TIMD4: variants seen among roughly 807,000 people sequenced by gnomAD.
The protein encoded by TIMD4 is T-cell immunoglobulin and mucin domain-containing protein 4.
Under a neutral mutation model 41.2 loss-of-function variants are expected in TIMD4, and 31 were observed. The observed-to-expected ratio is 0.75, with a 90% CI of 0.57 to 1.01. TIMD4 has a LOEUF of 1.01. Among genes scored for constraint, TIMD4 ranks in the 50% least tolerant of loss-of-function variants. The pLI is 0.00. For synonymous variants in TIMD4, 204 were observed against 177.1 expected (o/e 1.15, Z -1.21); for missense variants, 479 against 472.5 (o/e 1.01, Z -0.13).
intron 5 of TIMD4, among the ~76,000 whole-genome samples, chr5:156,945,863 G>A (rs1048619631): frequency 1.3e-5 from 2 of 152,178 alleles, no homozygotes; most frequent in Non-Finnish European, 2.9e-5. Flanking sequence ...AAAAATATGA[G>A]CATCTGCTAA....
intron 5 of TIMD4, among the ~76,000 whole-genome samples, chr5:156,931,066 C>G (rs922897766): frequency 6.6e-6 from 1 of 151,874 alleles, no homozygotes; most frequent in Non-Finnish European, 1.5e-5. Context: ...GAAGAGATCA[C>G]AGAGAGAGAG....
At chr5:156,921,576 G>A (rs539875018) in intron 7 of TIMD4, among the ~76,000 whole-genome samples, 3 of 126,076 alleles carry the variant, frequency 2.4e-5, no homozygotes, top group South Asian at 2.6e-4. Flanking sequence ...CTGAGATCAC[G>A]CCACTGCACT....
intron 5 of TIMD4, among the ~76,000 whole-genome samples, chr5:156,932,999 G>A (rs1759471148): frequency 1.5e-5 from 2 of 132,948 alleles, no homozygotes; most frequent in Non-Finnish European, 3.2e-5. Flanking sequence ...GTAAGACTCT[G>A]TCTCAAAAAA....
At chr5:156,919,731 T>G (rs1007641633) in intron 8 of TIMD4, among the ~76,000 whole-genome samples, 190 bp from the exon 9 acceptor site, 18 of 152,172 alleles carry the variant, frequency 1.2e-4, no homozygotes, top group African/African-American at 4.1e-4. Context: ...GCCAATCCAT[T>G]ATAATGAGAT....
At chr5:156,956,040 T>C (rs771866885) in intron 1 of TIMD4, among the ~76,000 whole-genome samples, 2 of 152,226 alleles carry the variant, frequency 1.3e-5, no homozygotes, top group Non-Finnish European at 2.9e-5. Flanking sequence ...ATTACTGTGG[T>C]CACCATGCAG....
At chr5:156,935,131 A>C (rs932006673) in intron 5 of TIMD4, among the ~76,000 whole-genome samples, 2 of 152,060 alleles carry the variant, frequency 1.3e-5, no homozygotes, top group African/African-American at 4.8e-5. Context: ...CAAAAATCAC[A>C]ATCTGAATGT....
At position 156,949,654 on chromosome 5, in the gene TIMD4, T is replaced by G. The variant is rs768395434; in HGVS notation, c.757A>C (p.Lys253Gln). 67 of 1,610,926 alleles carry G rather than the reference T, an allele frequency of 4.2e-5. No homozygotes were observed. Among genetic ancestry groups the G allele is most frequent in the Non-Finnish European group, 5.4e-5 (63 of 1,177,314 alleles). The change falls in exon 4 of 9, where the codon AAA becomes CAA. Residue 253 changes from lysine (K) to glutamine (Q), a missense_variant. By Grantham distance (53) the Lys-to-Gln change is moderately conservative. Coordinates refer to ENST00000274532, the MANE Select transcript of TIMD4 (RefSeq NM_138379.3). ...TSADTVLLTS[K>Q]ESKVWDLPST... The stretch of plus-strand genomic sequence containing the variant: ...GAGAGAGTGAGTGTCTGCACACCTT[T>G]GGATGTCAGCAGGACAGTGTCAGCA...
intron 7 of TIMD4, among the ~76,000 whole-genome samples, chr5:156,921,048 G>A (rs966875724): frequency 6.7e-6 from 1 of 150,330 alleles, no homozygotes; most frequent in African/African-American, 2.5e-5. Flanking sequence ...ACAGTACCAG[G>A]TGCCACGTGC....
At chr5:156,947,287 A>C (rs946714357) in intron 5 of TIMD4, among the ~76,000 whole-genome samples, 2 of 152,238 alleles carry the variant, frequency 1.3e-5, no homozygotes, top group African/African-American at 4.8e-5. Flanking sequence ...ACAAACAGTC[A>C]TATCAAGTGT....
intron 5 of TIMD4, among the ~76,000 whole-genome samples, chr5:156,929,015 C>T (rs1407225793): frequency 2.0e-5 from 3 of 152,204 alleles, no homozygotes; most frequent in East Asian, 1.9e-4. Context: ...AATGCTGCTG[C>T]GTGATACCAA....
chr5:156,935,963 G>A (rs570609771), intron 5 of TIMD4, among the ~76,000 whole-genome samples: 2 of 152,366 alleles, frequency 1.3e-5, no homozygotes, highest in Admixed American at 6.5e-5. Flanking sequence ...AATGAGACCA[G>A]GCACGGTAGC....
At chr5:156,936,004 C>T (rs746995050) in intron 5 of TIMD4, among the ~76,000 whole-genome samples, 9 of 152,116 alleles carry the variant, frequency 5.9e-5, no homozygotes, top group Non-Finnish European at 1.0e-4. Context: ...TTTGGGAGGC[C>T]GAGGCGGCCA....
intron 6 of TIMD4, 118 bp from the exon 7 acceptor site, chr5:156,922,334 C>A: frequency 2.3e-6 from 2 of 873,626 alleles, no homozygotes; most frequent in Non-Finnish European, 3.7e-6. Flanking sequence ...ATTTCACCAC[C>A]TTTTGTCAAA....
intron 5 of TIMD4, among the ~76,000 whole-genome samples, chr5:156,932,585 G>A (rs1040178859): frequency 5.3e-5 from 8 of 152,286 alleles, no homozygotes; most frequent in Non-Finnish European, 1.0e-4. Flanking sequence ...TCCTGGATTG[G>A]ACAATGTTCT....
At chr5:156,947,740 T>C (rs557840216) in intron 5 of TIMD4, among the ~76,000 whole-genome samples, 1 of 152,326 alleles carries the variant, frequency 6.6e-6, no homozygotes, top group Non-Finnish European at 1.5e-5. Context: ...TGTATTTCTA[T>C]AGCTATGTAG....
chr5:156,919,799 G>A (rs1185344640), intron 8 of TIMD4, among the ~76,000 whole-genome samples: 1 of 152,154 alleles, frequency 6.6e-6, no homozygotes, highest in Non-Finnish European at 1.5e-5. Context: ...TTTACCAAAA[G>A]GTCTCTAAGT....
chr5:156,946,563 G>T (rs762233523), intron 5 of TIMD4, among the ~76,000 whole-genome samples: 1 of 151,910 alleles, frequency 6.6e-6, no homozygotes, highest in East Asian at 1.9e-4. Context: ...TGCAAGCTCC[G>T]CCTCCCAGGT....
chr5:156,924,301 A>G, intron 6 of TIMD4: 1 of 349,618 alleles, frequency 2.9e-6, no homozygotes, highest in South Asian at 2.5e-5. Context: ...CCAGCTTAGG[A>G]AAGCATCTCT....
intron 5 of TIMD4, among the ~76,000 whole-genome samples, chr5:156,936,605 T>C (rs1759543758): frequency 6.6e-6 from 1 of 151,524 alleles, no homozygotes; most frequent in African/African-American, 2.4e-5. Flanking sequence ...CTTTGGAAAA[T>C]GTGGCAAGAT....
Sources: gnomAD v4.1 joint callset for allele counts (sites outside exome capture counted in the v4.1 genomes callset) on GRCh38, gnomAD v4.1.1 for gene constraint, MANE v1.5 for transcripts, NCBI Gene and HGNC (gene_info 2026-07-23, HGNC 2026-07-21) for gene names.